The following MINK1 variants were observed in gnomAD, a reference collection of about 807,000 sequenced individuals.
MINK1 encodes misshapen-like kinase 1.
MINK1 carries 46 observed loss-of-function variants against 178.4 expected under a neutral mutation model. The ratio of observed to expected loss-of-function variants is 0.26; its 90% CI spans 0.20 to 0.33. The LOEUF is 0.33. Among genes scored for constraint, MINK1 ranks in the 10% least tolerant of loss-of-function variants. The probability of loss-of-function intolerance (pLI) is 1.00; values close to 1 mark genes in which losing one functional copy is unlikely to be tolerated. For synonymous variants in MINK1, 797 were observed against 709.7 expected (o/e 1.12, Z -1.96); for missense variants, 1,366 against 1,814.9 (o/e 0.75, Z 4.49).
intron 1 of MINK1, among the ~76,000 whole-genome samples, chr17:4,855,441 G>C (rs1912899432): frequency 1.4e-5 from 2 of 144,368 alleles, no homozygotes; most frequent in Non-Finnish European, 3.0e-5. Flanking sequence ...AGCTGAGATT[G>C]TGGCATTGCA....
At chr17:4,889,575 C>T (rs1968560655) in intron 12 of MINK1, 72 bp from the exon 13 acceptor site, 1 of 1,305,266 alleles carries the variant, frequency 7.7e-7, no homozygotes, top group Non-Finnish European at 1.1e-6. Context: ...GGGCTCCCCT[C>T]CCTGTCCATG....
rs756556403 is a variant in MINK1, at chr17:4,896,726, C to A, written c.3828C>A (p.Ile1276=). Residue 1276 remains isoleucine, a synonymous_variant, in exon 31 of 32, where the codon ATC becomes ATA. Coordinates refer to ENST00000355280, the MANE Select transcript of MINK1 (RefSeq NM_153827.5). This position sits in a 1 kb window ranked among gnomAD's most constrained non-coding sequence, Gnocchi z 4.6. ...GCTGGGGTGAGAAAGCCATTGAGAT[C>A]CGCTCTGTGGAGACGGGCCACCTCG... The part of the protein sequence containing the change: ...IMGWGEKAIE[I]RSVETGHLDG... 1 of 1,604,140 alleles carries A rather than the reference C, an allele frequency of 6.2e-7. No individual in the cohort carries two copies. Among genetic ancestry groups the A allele is most frequent in the Admixed American group, 1.7e-5 (1 of 59,138 alleles).
intron 1 of MINK1, among the ~76,000 whole-genome samples, chr17:4,850,148 A>G (rs568204709): frequency 6.6e-6 from 1 of 152,308 alleles, no homozygotes; most frequent in South Asian, 2.1e-4. Context: ...TGAAGGAAGA[A>G]GGGACCATTT....
intron 1 of MINK1, chr17:4,860,808 T>C (rs778631056): frequency 3.8e-6 from 2 of 519,914 alleles, no homozygotes; most frequent in East Asian, 5.4e-5. Context: ...GTCCCTTAAC[T>C]GTACAGCACC....
At chr17:4,866,609 CA>C (rs33971421) in intron 1 of MINK1, among the ~76,000 whole-genome samples, 21,318 of 141,324 alleles carry the variant, frequency 0.15, 1,866 homozygotes, top group African/African-American at 0.27. Context: ...CTGATTCTAC[CA>C]AAAAAAAAAA....
intron 1 of MINK1, among the ~76,000 whole-genome samples, chr17:4,871,695 T>G (rs1915876327): frequency 6.6e-6 from 1 of 152,168 alleles, no homozygotes; most frequent in Admixed American, 6.6e-5. Flanking sequence ...TACCTAGAAG[T>G]GGAATGGCTG....
rs189704133 is a variant in MINK1 at position 4,859,077 on chromosome 17, C to T, written c.58-19240C>T. On this transcript the variant is annotated intron_variant, in intron 1 of 31. Transcript: ENST00000355280. ...CCTGGGTCTGGGAACAGCACTGGCT[C>T]TAGCAGCAGGACCTGCCGGGGCATA... 231 of 962,078 alleles carry T rather than the reference C, an allele frequency of 2.4e-4. No homozygotes were observed. In the African/African-American group the frequency reaches 3.8e-3, roughly 16 times the overall value. The allele number at this position is 962,078 out of a possible 1,614,324, so 59.6% of individuals were successfully genotyped here.
rs1055520407 is a variant in MINK1, at chr17:4,884,971, G to A, written c.477G>A (p.Val159=). The A allele has an allele frequency of 2.2e-5, 36 of 1,613,838 alleles. No individual in the cohort carries two copies. The highest frequency in any genetic ancestry group is 2.8e-5 in the Non-Finnish European group (33 of 1,179,886). The change falls in exon 6 of 32, where the codon GTG becomes GTA. Residue 159 remains valine, a synonymous_variant. Transcript: ENST00000355280. ...ATCGAGACATCAAGGGGCAGAATGT[G>A]CTGCTGACAGAGAATGCTGAGGTCA... ...VIHRDIKGQN[V]LLTENAEVKL...
At chr17:4,844,416 CTT>C (rs1054877647) in intron 1 of MINK1, among the ~76,000 whole-genome samples, 8 of 152,070 alleles carry the variant, frequency 5.3e-5, no homozygotes, top group African/African-American at 1.9e-4. Flanking sequence ...TTTTTGGAGA[CTT>C]TTGGAATATG....
chr17:4,837,050 G>T (rs1909416497), intron 1 of MINK1, among the ~76,000 whole-genome samples: 2 of 152,114 alleles, frequency 1.3e-5, no homozygotes, highest in South Asian at 4.1e-4. Context: ...AGCCAGGCAT[G>T]GTGGCGCACA....
At chr17:4,893,807 G>T in intron 21 of MINK1, 181 bp from the exon 22 acceptor site, 1 of 893,380 alleles carries the variant, frequency 1.1e-6, no homozygotes, top group Non-Finnish European at 1.7e-6. Flanking sequence ...CCCTGTGCCA[G>T]CCTGCCCTGT....
chr17:4,863,472 A>G (rs140258525), intron 1 of MINK1, among the ~76,000 whole-genome samples: 86 of 152,274 alleles, frequency 5.6e-4, no homozygotes, highest in African/African-American at 1.9e-3. Flanking sequence ...CCCTGGGGTC[A>G]GGAACTCATG....
chr17:4,847,309 G>T (rs1901239151), intron 1 of MINK1: 1 of 448,042 alleles, frequency 2.2e-6, no homozygotes, highest in South Asian at 1.6e-5. Context: ...CGCAGTCTCA[G>T]CTCACTGCAT....
In MINK1 at chr17:4,893,544, G is replaced by C. The variant is rs182818413; in HGVS notation, c.2511G>C (p.Glu837Asp). Residue 837 changes from glutamate to aspartate, a missense_variant, in exon 21 of 32, where the codon GAG becomes GAC. By Grantham distance (45) the Glu-to-Asp change is conservative. This residue lies in a region of MINK1 where 709 missense variants were observed against 692.3 expected (regional missense o/e 1.02). Coordinates refer to ENST00000355280, the MANE Select transcript of MINK1 (RefSeq NM_153827.5). ...AGGTGGAAAGCAGTGAGGACGACGA[G>C]GAGGAAGGCGAAGGCGGGCCAGCAG... is the stretch of plus-strand genomic sequence containing the variant. Reference protein sequence around the residue: ...SEEVESSEDDEEEGEGGPAEG... With the variant: ...SEEVESSEDDDEEGEGGPAEG... 1.4e-3 allele frequency: 2,226 copies of C among 1,593,262 alleles called. 4 individuals are homozygous for C. Among genetic ancestry groups the C allele is most frequent in the Non-Finnish European group, 1.3e-3 (1,535 of 1,164,890 alleles).
At chr17:4,876,695 G>C (rs1967212560) in intron 1 of MINK1, among the ~76,000 whole-genome samples, 1 of 152,112 alleles carries the variant, frequency 6.6e-6, no homozygotes. Flanking sequence ...GTGTTGCCTG[G>C]AGAGTTTATT....
rs767339527 is a variant in MINK1 at position 4,887,669 on chromosome 17, A to AACAGCAGCAGCAGCT, written c.1110_1124dup (p.Leu375_Gln379dup). The AACAGCAGCAGCAGCT allele has an allele frequency of 3.8e-6, 6 of 1,567,012 alleles. No individual in the cohort carries two copies. The highest frequency in any genetic ancestry group is 1.4e-5 in the African/African-American group (1 of 73,404). On this transcript the variant is annotated inframe_insertion, in exon 12 of 32. Transcript: ENST00000355280. The surrounding 1 kb of genome is among the most constrained non-coding windows in gnomAD (Gnocchi z 7.6). ...AATAAGAGCAACTCAGAGGCTTTAA[A>AACAGCAGCAGCAGCT]ACAGCAGCAGCAGCTGCAGCAGCAG...
chr17:4,890,902 A>C lies in MINK1; in HGVS notation c.1567-49A>C. The C allele has an allele frequency of 1.9e-6, 3 of 1,550,420 alleles. 1 individual carries two copies. The South Asian group carries it at 3.6e-5, about 18-fold the overall frequency. ...AGGGCAGGTGGGACCCTCAGTTTTGAGAACAGGGAGGCAAGAGCTGGCCTG... is the reference window on the plus strand; with the variant it reads ...AGGGCAGGTGGGACCCTCAGTTTTGCGAACAGGGAGGCAAGAGCTGGCCTG... On this transcript the variant is annotated intron_variant, in intron 14 of 31. Coordinates refer to ENST00000355280, the MANE Select transcript of MINK1 (RefSeq NM_153827.5).
intron 4 of MINK1, among the ~76,000 whole-genome samples, chr17:4,883,592 C>T (rs893209461): frequency 1.3e-5 from 2 of 151,694 alleles, no homozygotes; most frequent in African/African-American, 2.4e-5. Context: ...AGTTCAGTGG[C>T]GCAATCTCAG....
In MINK1 at chr17:4,896,772, C is replaced by T. The variant is rs749235802; in HGVS notation, c.3874C>T (p.Arg1292Ter). The change falls in exon 31 of 32, where the codon CGA becomes TGA. Residue 1292 changes from arginine to a stop codon, truncating the protein, a stop_gained. Coordinates refer to ENST00000355280, the MANE Select transcript of MINK1 (RefSeq NM_153827.5). LOFTEE classifies it high-confidence loss of function. This position sits in a 1 kb window ranked among gnomAD's most constrained non-coding sequence, Gnocchi z 4.6. ...CCTCGACGGGGTCTTCATGCACAAA[C>T]GAGCTCAGAGGCTCAAGTTCCTGTG... ...GHLDGVFMHK[R>*]AQRLKFLCER... 6.3e-7 allele frequency: 1 copy of T among 1,590,418 alleles called. No homozygotes were observed. The highest frequency in any genetic ancestry group is 8.6e-7 in the Non-Finnish European group (1 of 1,168,068).
Sources: gnomAD v4.1 joint callset for allele counts (sites outside exome capture counted in the v4.1 genomes callset) on GRCh38, gnomAD v4.1.1 for gene constraint, gnomAD v4.1.1 regional missense constraint, Gnocchi (gnomAD v3.1) non-coding constraint, MANE v1.5 for transcripts, NCBI Gene and HGNC (gene_info 2026-07-23, HGNC 2026-07-21) for gene names.